The following COL6A2 variants were observed in gnomAD, a reference collection of about 807,000 sequenced individuals.
COL6A2 encodes collagen alpha-2(VI) chain.
A neutral mutation model predicts 124.9 loss-of-function variants in COL6A2; 90 were observed. That is an observed-to-expected ratio of 0.72 (90% CI 0.61 to 0.86). The LOEUF (loss-of-function observed/expected upper bound fraction) is 0.86, where lower values mean the gene tolerates loss of function less well. COL6A2 is among the 40% of genes least tolerant of loss of function. The pLI is 0.00. For missense variants in COL6A2, 1,607 were observed against 1,502.5 expected (o/e 1.07, Z -1.15); for synonymous variants, 793 against 618.2 (o/e 1.28, Z -4.19).
intron 12 of COL6A2, 87 bp from the exon 13 acceptor site, chr21:46,118,527 G>C: frequency 2.3e-6 from 3 of 1,326,400 alleles, no homozygotes; most frequent in Non-Finnish European, 1.1e-6. Flanking sequence ...TCCCAAGCCC[G>C]ACCGTGGGTC....
chr21:46,120,412 C>G lies in COL6A2; in HGVS notation c.1333-103C>G, dbSNP rs1021779444. 9.9e-6 allele frequency: 9 copies of G among 906,334 alleles called. No individual in the cohort carries two copies. In the African/African-American group the frequency reaches 1.3e-4, roughly 14 times the overall value. 56.1% of individuals were successfully genotyped at this position (906,334 alleles called of 1,614,324 possible). On this transcript the variant is annotated intron_variant, in intron 15 of 27. Transcript: ENST00000300527. ...CCCCGGGACAGACGGGGTTCTTCCT[C>G]CCAGGCCCCCTTCCCCAACCCCCGG...
Position 46,126,598 on chromosome 21 carries a change from TTCC to T in COL6A2, c.2461+63_2461+65del, listed in dbSNP as rs1296567756. 14 of 1,606,516 alleles carry T rather than the reference TTCC, an allele frequency of 8.7e-6. 1 individual carries two copies. Among genetic ancestry groups the T allele is most frequent in the Admixed American group, 5.0e-5 (3 of 59,960 alleles). ...GACTAGCAAAGCAGCCCTGGTGTCC[TTCC>T]TCCTCGAGGGCCGGGCTGGGGGAGG... On this transcript the variant is annotated intron_variant, in intron 27 of 27. Coordinates refer to ENST00000300527, the MANE Select transcript of COL6A2 (RefSeq NM_001849.4).
intron 15 of COL6A2, 138 bp from the exon 16 acceptor site, chr21:46,120,375 CTG>C: frequency 1.5e-6 from 1 of 672,648 alleles, no homozygotes; most frequent in Non-Finnish European, 2.6e-6. Flanking sequence ...AAACAGGCGA[CTG>C]TTGCAGGTCC....
Position 46,119,811 on chromosome 21 carries a change from C to G in COL6A2, c.1293C>G (p.Thr431=). 1 of 1,564,938 alleles carries G rather than the reference C, an allele frequency of 6.4e-7. No individual in the cohort carries two copies. The highest frequency in any genetic ancestry group is 8.7e-7 in the Non-Finnish European group (1 of 1,154,408). Residue 431 remains threonine (T), a synonymous_variant, in exon 15 of 28, where the codon ACC becomes ACG. Transcript: ENST00000300527. ...GEPGRRGDPG[T]KGSPGSDGPK... ...AGGGGCGCAGGGGAGACCCCGGCAC[C>G]AAGGGCAGCCCAGGCAGCGATGGCC...
At chr21:46,131,572 C>T (rs1350394631) in intron 27 of COL6A2, among the ~76,000 whole-genome samples, 4 of 152,170 alleles carry the variant, frequency 2.6e-5, no homozygotes, top group African/African-American at 4.8e-5. Flanking sequence ...TCCTTAAGTA[C>T]CTCCCACACT....
chr21:46,132,581 G>C lies in COL6A2; in HGVS notation c.*29G>C, dbSNP rs921143676. On this transcript the variant is annotated 3_prime_UTR_variant, in exon 28 of 28. Transcript: ENST00000300527. Reference sequence around the variant, plus strand: ...CGCCGCCCGGGCCCCGCAGTCGAGGGTCGTGAGCCCACCCCGTCCATGGTG... The same window carrying C: ...CGCCGCCCGGGCCCCGCAGTCGAGGCTCGTGAGCCCACCCCGTCCATGGTG... 6.4e-7 allele frequency: 1 copy of C among 1,562,166 alleles called. No individual in the cohort carries two copies. Among genetic ancestry groups the C allele is most frequent in the Non-Finnish European group, 8.6e-7 (1 of 1,158,658 alleles).
In COL6A2 at chr21:46,125,953, G is replaced by T. The variant is rs746159648; in HGVS notation, c.2138G>T (p.Arg713Leu). 32 of 1,613,052 alleles carry T rather than the reference G, an allele frequency of 2.0e-5. No individual in the cohort carries two copies. Among genetic ancestry groups the T allele is most frequent in the Admixed American group, 1.2e-4 (7 of 59,996 alleles). ...TCAGCCCTCAAGTTTGCCTACGACC[G>T]CCTCATCAAGGAGAGCCGGCGCCAG... Reference protein sequence around the residue: ...TPSALKFAYDRLIKESRRQKT... With the variant: ...TPSALKFAYDLLIKESRRQKT... Residue 713 changes from arginine to leucine, a missense_variant, in exon 26 of 28, where the codon CGC becomes CTC. Coordinates refer to ENST00000300527, the MANE Select transcript of COL6A2 (RefSeq NM_001849.4).
chr21:46,121,738 G>A, intron 18 of COL6A2, 120 bp downstream of exon 18: 10 of 979,198 alleles, frequency 1.0e-5, no homozygotes, highest in Non-Finnish European at 1.6e-5. Context: ...ACGGGCCTGT[G>A]CCTCCTGTTC....
In COL6A2 at chr21:46,121,050, C is replaced by T. The variant is rs756557942; in HGVS notation, c.1396-11C>T. The T allele has an allele frequency of 5.0e-6, 8 of 1,612,674 alleles. No homozygotes were observed. Among genetic ancestry groups the T allele is most frequent in the Non-Finnish European group, 5.9e-6 (7 of 1,179,844 alleles). On this transcript the variant is annotated splice_polypyrimidine_tract_variant and intron_variant, in intron 16 of 27. Transcript: ENST00000300527. ...GTCAAGAGAACCCCAAATTCCTCCC[C>T]TTTCTTCCAGGGAGACCGAGGCTTG...
At chr21:46,129,039 G>T in intron 27 of COL6A2, 1 of 1,601,312 alleles carries the variant, frequency 6.2e-7, no homozygotes. Context: ...TCCTGCCAAG[G>T]CCGAGCCACA....
Position 46,117,854 on chromosome 21 carries a change from AC to A in COL6A2, c.1054-18del. On this transcript the variant is annotated intron_variant, in intron 11 of 27. Transcript: ENST00000300527. The stretch of plus-strand genomic sequence containing the variant: ...CCCCACCCGCCGTGTGCCGAGCTCC[AC>A]CTCTCACTCCTCTCTCAGGGCCCCG... 4 of 1,606,004 alleles carry A rather than the reference AC, an allele frequency of 2.5e-6. No individual in the cohort carries two copies. The highest frequency in any genetic ancestry group is 2.5e-6 in the Non-Finnish European group (3 of 1,177,534).
chr21:46,130,944 G>A (rs1424754284), intron 27 of COL6A2, among the ~76,000 whole-genome samples: 2 of 152,226 alleles, frequency 1.3e-5, no homozygotes, highest in Admixed American at 6.5e-5. Flanking sequence ...GCGGTGCAGC[G>A]TGAGGTCACC....
At chr21:46,120,093 G>C (rs1045463605) in intron 15 of COL6A2, among the ~76,000 whole-genome samples, 1 of 73,480 alleles carries the variant, frequency 1.4e-5, no homozygotes, top group Non-Finnish European at 3.1e-5. Context: ...ATTCACCCCC[G>C]GCCCACTGAG....
chr21:46,119,691 T>C, intron 14 of COL6A2, 97 bp from the exon 15 acceptor site: 2 of 1,128,224 alleles, frequency 1.8e-6, no homozygotes, highest in Non-Finnish European at 1.3e-6. Flanking sequence ...AGCCCTCCTG[T>C]AGAGAAGGAG....
At chr21:46,121,165 G>A (rs368064823) in intron 17 of COL6A2, 42 bp downstream of exon 17, 3 of 1,593,186 alleles carry the variant, frequency 1.9e-6, no homozygotes, top group African/African-American at 2.7e-5. Flanking sequence ...TGACCCCACG[G>A]GTGGGTCTCC....
chr21:46,124,362 A>T (rs1368415540), intron 21 of COL6A2, among the ~76,000 whole-genome samples: 1 of 152,026 alleles, frequency 6.6e-6, no homozygotes, highest in Non-Finnish European at 1.5e-5. Flanking sequence ...GGGGTGGAAT[A>T]CCCATGGATT....
chr21:46,120,404 T>G (rs2123642510), intron 15 of COL6A2, 111 bp from the exon 16 acceptor site: 1 of 807,096 alleles, frequency 1.2e-6, no homozygotes, highest in Admixed American at 2.7e-5. Context: ...ACAGACGGGG[T>G]TCTTCCTCCC....
At chr21:46,120,391 G>T (rs562049195) in intron 15 of COL6A2, 124 bp from the exon 16 acceptor site, 1 of 739,636 alleles carries the variant, frequency 1.4e-6, no homozygotes, top group Non-Finnish European at 2.3e-6. Flanking sequence ...CAGGTCCCCC[G>T]GGACAGACGG....
At chr21:46,129,145 G>A (rs778226438) in intron 27 of COL6A2, 2 of 1,611,144 alleles carry the variant, frequency 1.2e-6, no homozygotes, top group South Asian at 1.1e-5. Context: ...AGGAGCTCTA[G>A]GCCGACGCCC....
Sources: gnomAD v4.1 joint callset for allele counts (sites outside exome capture counted in the v4.1 genomes callset) on GRCh38, gnomAD v4.1.1 for gene constraint, MANE v1.5 for transcripts, NCBI Gene and HGNC (gene_info 2026-07-23, HGNC 2026-07-21) for gene names.